PPP2R2C: variants seen among roughly 807,000 people sequenced by gnomAD.
PPP2R2C encodes the protein protein phosphatase 2, regulatory subunit B, gamma.
In PPP2R2C, 10 loss-of-function variants were observed where a neutral mutation model predicts 45.3. The ratio of observed to expected loss-of-function variants is 0.22; its 90% CI spans 0.14 to 0.37. PPP2R2C has a LOEUF of 0.37. Among genes scored for constraint, PPP2R2C ranks in the 10% least tolerant of loss-of-function variants. The pLI, the probability that PPP2R2C is intolerant of heterozygous loss-of-function variation, is 1.00. For missense variants in PPP2R2C, 308 were observed against 619.7 expected (o/e 0.50, Z 5.34); for synonymous variants, 257 against 245.4 (o/e 1.05, Z -0.44).
chr4:6,511,647 GGTGGTGAT>G (rs1402701886), intron 2 of PPP2R2C, among the ~76,000 whole-genome samples: 2 of 117,010 alleles, frequency 1.7e-5, no homozygotes, highest in African/African-American at 3.7e-5. Flanking sequence ...TGTTGATGGT[GGTGGTGAT>G]GGTGGTGGTG....
chr4:6,387,558 C>A (rs756449816), intron 1 of PPP2R2C, among the ~76,000 whole-genome samples: 26 of 152,178 alleles, frequency 1.7e-4, no homozygotes, highest in African/African-American at 6.0e-4. Context: ...CACCTGTAAT[C>A]CCAGCACTTT....
intron 5 of PPP2R2C, among the ~76,000 whole-genome samples, chr4:6,371,155 C>T (rs1462585721): frequency 1.3e-5 from 2 of 152,204 alleles, no homozygotes; most frequent in Admixed American, 6.5e-5. Flanking sequence ...TGAGTGTACT[C>T]ACCCAGGGTC....
At chr4:6,468,462 A>G (rs115596914) in intron 1 of PPP2R2C, among the ~76,000 whole-genome samples, 249 of 152,354 alleles carry the variant, frequency 1.6e-3, no homozygotes, top group African/African-American at 5.9e-3. Context: ...AGATGCAAAA[A>G]GCATGAGTGT....
intron 1 of PPP2R2C, among the ~76,000 whole-genome samples, chr4:6,395,893 C>T (rs1577144238): frequency 1.3e-5 from 2 of 152,180 alleles, no homozygotes; most frequent in African/African-American, 2.4e-5. Context: ...CCCCCAGGCC[C>T]CCTCTCTGCA....
chr4:6,369,697 C>A (rs906978978), intron 5 of PPP2R2C, among the ~76,000 whole-genome samples: 1 of 152,198 alleles, frequency 6.6e-6, no homozygotes, highest in African/African-American at 2.4e-5. Flanking sequence ...CAGGCAGCCT[C>A]CTCGAGCCCA....
rs549325797 is a variant in PPP2R2C, at chr4:6,329,755, C to T, written c.961-402G>A. Among the ~76,000 whole-genome samples the T allele has an allele frequency of 6.6e-6, 1 of 152,302 alleles. No individual in the cohort carries two copies. Among genetic ancestry groups the T allele is most frequent in the African/African-American group, 2.4e-5 (1 of 41,560 alleles). ...GGGAGTAGCACCAGGGAGCAGAGTC[C>T]ACTGTGACAAACAGAACGCTCACAG... is the stretch of plus-strand genomic sequence containing the variant. On this transcript the variant is annotated intron_variant, in intron 7 of 8. Transcript: ENST00000382599. The surrounding 1 kb of genome is among the most constrained non-coding windows in gnomAD (Gnocchi z 5.8).
chr4:6,560,949 C>A lies in PPP2R2C; in HGVS notation c.-59+2611G>T, dbSNP rs572028993. On this transcript the variant is annotated intron_variant, in intron 1 of 9. Coordinates refer to the PPP2R2C transcript ENST00000506140. ...GACCCCACCCTTCCTCCTCTTTGTG[C>A]CTTGTCTCAGTGTCACTGCTGCCCT... Among the ~76,000 whole-genome samples the A allele has an allele frequency of 3.2e-4, 49 of 152,352 alleles. 1 individual carries two copies. Among genetic ancestry groups the A allele is most frequent in the Admixed American group, 3.0e-3 (46 of 15,308 alleles).
chr4:6,542,450 G>A (rs995038940), intron 1 of PPP2R2C, among the ~76,000 whole-genome samples: 4 of 152,182 alleles, frequency 2.6e-5, no homozygotes, highest in African/African-American at 9.6e-5. Flanking sequence ...TCCCAGCACT[G>A]TGGGAGGCCA....
intron 2 of PPP2R2C, among the ~76,000 whole-genome samples, chr4:6,481,717 G>T (rs1026934985): frequency 2.0e-5 from 3 of 151,766 alleles, no homozygotes. Context: ...GGTAACTCAC[G>T]CCTGTAATCC....
rs550475341 is a variant in PPP2R2C at position 6,530,874 on chromosome 4, G to A, written c.49+4397C>T. 5.3e-5 allele frequency among the ~76,000 whole-genome samples: 8 copies of A among 152,340 alleles called. No individual in the cohort carries two copies. The South Asian group carries it at 8.3e-4, about 16-fold the overall frequency. On this transcript the variant is annotated intron_variant, in intron 2 of 9. Transcript: ENST00000506140. The stretch of plus-strand genomic sequence containing the variant: ...GCCCTTTCTACAGGCGCATAGGGTG[G>A]TTCTCCACCAGGCTGCTGTGCACCT...
At chr4:6,534,650 C>A (rs1411339166) in intron 2 of PPP2R2C, among the ~76,000 whole-genome samples, 1 of 151,966 alleles carries the variant, frequency 6.6e-6, no homozygotes. Context: ...CACACACAGC[C>A]CCAAAGAGAT....
intron 8 of PPP2R2C, among the ~76,000 whole-genome samples, chr4:6,325,360 G>C (rs1307960188): frequency 6.6e-6 from 1 of 152,142 alleles, no homozygotes; most frequent in Non-Finnish European, 1.5e-5. Flanking sequence ...ATGTGACTCA[G>C]AGCCTGGGAC....
intron 1 of PPP2R2C, among the ~76,000 whole-genome samples, chr4:6,448,038 G>T (rs1412414028): frequency 6.6e-6 from 1 of 152,112 alleles, no homozygotes; most frequent in Non-Finnish European, 1.5e-5. Context: ...CACCCCCGTG[G>T]GAGCCGCACT....
intron 5 of PPP2R2C, among the ~76,000 whole-genome samples, chr4:6,356,572 G>A (rs868141325): frequency 6.6e-5 from 10 of 152,200 alleles, no homozygotes; most frequent in South Asian, 6.2e-4. Flanking sequence ...TCTGTGCCTC[G>A]GTTTCCCCAA....
chr4:6,540,359 A>C (rs1361453881), intron 1 of PPP2R2C, among the ~76,000 whole-genome samples: 1 of 152,168 alleles, frequency 6.6e-6, no homozygotes, highest in East Asian at 1.9e-4. Flanking sequence ...CATGATCTTA[A>C]CATGATGTGT....
chr4:6,446,728 C>T (rs895800719), intron 1 of PPP2R2C, among the ~76,000 whole-genome samples: 1 of 152,110 alleles, frequency 6.6e-6, no homozygotes, highest in Non-Finnish European at 1.5e-5. Context: ...GACTCCCCGC[C>T]AACGGCCCAC....
At chr4:6,410,886 TTAG>T (rs1232458985) in intron 1 of PPP2R2C, among the ~76,000 whole-genome samples, 5 of 139,622 alleles carry the variant, frequency 3.6e-5, no homozygotes, top group African/African-American at 1.3e-4. Context: ...TATTTATTTA[TTAG>T]ACAGAGTCTC....
intron 5 of PPP2R2C, among the ~76,000 whole-genome samples, chr4:6,369,644 C>T (rs1360495301): frequency 6.6e-6 from 1 of 152,230 alleles, no homozygotes. Flanking sequence ...GCTCCGGCAC[C>T]TTCTGCCTCC....
chr4:6,554,910 GGAAGGAAGGAAGGAAGGAAGGAAAGAAA>G (rs1725316946), intron 1 of PPP2R2C, among the ~76,000 whole-genome samples: 4 of 77,734 alleles, frequency 5.1e-5, no homozygotes, highest in South Asian at 5.1e-4. Flanking sequence ...AAGGAAGGAA[GGAAGGAAGGAAGGAAGGAAGGAAAGAAA>G]GAAAGAAAGA....
Sources: allele counts gnomAD v4.1 joint callset (sites outside exome capture counted in the v4.1 genomes callset), GRCh38; gene constraint gnomAD v4.1.1; non-coding constraint Gnocchi (gnomAD v3.1); transcripts MANE v1.5; gene names NCBI Gene and HGNC (gene_info 2026-07-23, HGNC 2026-07-21).